Variants in MACC1 observed in about 807,000 individuals in gnomAD.
The protein encoded by MACC1 is MET transcriptional regulator MACC1, also known as metastasis-associated in colon cancer protein 1.
A neutral mutation model predicts 70.7 loss-of-function variants in MACC1; 79 were observed. The observed-to-expected ratio is 1.12, with a 90% confidence interval of 0.93 to 1.35. The LOEUF (loss-of-function observed/expected upper bound fraction) is 1.35. Ranked by LOEUF, MACC1 falls within the 40% of genes most tolerant of loss-of-function variation. MACC1 has a pLI of 0.00. For missense variants in MACC1, 1,106 were observed against 978.1 expected (o/e 1.13, Z -1.74); for synonymous variants, 361 against 347.2 (o/e 1.04, Z -0.44).
chr7:20,138,220 T>C lies in MACC1; in HGVS notation c.*2726A>G, dbSNP rs538219243. On this transcript the variant is annotated 3_prime_UTR_variant, in exon 7 of 7. Transcript: ENST00000400331. ...GGATTTGTTACAAGATTATAAAATA[T>C]ATTTGTGTGTATTAATATTAGAACC... The C allele has an allele frequency of 1.3e-5, 2 of 149,104 alleles. No individual in the cohort carries two copies. Among genetic ancestry groups the C allele is most frequent in the African/African-American group, 4.9e-5 (2 of 40,612 alleles). The allele number at this position is 149,104 out of a possible 1,614,324, so 9.2% of individuals were successfully genotyped here. A position where few individuals can be genotyped will look rare whatever the true frequency, so the allele number is the denominator to read the frequency against.
At chr7:20,207,733 A>C (rs1331358950) in intron 1 of MACC1, among the ~76,000 whole-genome samples, 1 of 152,248 alleles carries the variant, frequency 6.6e-6, no homozygotes, top group Non-Finnish European at 1.5e-5. Flanking sequence ...GAATACACAA[A>C]GATATCAAAA....
intron 2 of MACC1, among the ~76,000 whole-genome samples, chr7:20,165,537 GA>G (rs11415040): frequency 1.5e-4 from 23 of 149,050 alleles, no homozygotes; most frequent in Non-Finnish European, 2.2e-4. Flanking sequence ...TGGTATAGGG[GA>G]AAAAAAAAAA....
intron 4 of MACC1, among the ~76,000 whole-genome samples, chr7:20,161,011 G>C (rs10215569): frequency 0.13 from 20,026 of 152,110 alleles, 1,457 homozygotes; most frequent in Non-Finnish European, 0.16. Context: ...TGGAAAGTAA[G>C]TGTCTTAAGA....
rs1781777315 is a variant in MACC1, at chr7:20,140,261, T to C, written c.*685A>G. On this transcript the variant is annotated 3_prime_UTR_variant, in exon 7 of 7. Transcript: ENST00000400331. ...GCATTTTGTTTTTACTATTCTGTTA[T>C]GCAGTATGATTTTTTAAAAAGAAAT... is the stretch of plus-strand genomic sequence containing the variant. 6.6e-6 allele frequency: 1 copy of C among 152,236 alleles called. No homozygotes were observed. The highest frequency in any genetic ancestry group is 2.1e-4 in the South Asian group (1 of 4,838). The allele number at this position is 152,236 out of a possible 1,614,324, so 9.4% of individuals were successfully genotyped here.
At chr7:20,211,869 T>C (rs1783001859) in intron 1 of MACC1, among the ~76,000 whole-genome samples, 1 of 152,160 alleles carries the variant, frequency 6.6e-6, no homozygotes, top group African/African-American at 2.4e-5. Context: ...TGAAAATAAG[T>C]TGTGCTGTAA....
intron 1 of MACC1, among the ~76,000 whole-genome samples, chr7:20,197,401 ATCACATGGCTTT>A (rs1342623859): frequency 2.0e-5 from 3 of 152,218 alleles, no homozygotes; most frequent in Non-Finnish European, 2.9e-5. Flanking sequence ...TGGGTAAAGA[ATCACATGGCTTT>A]GTGTTTTTTG....
At position 20,158,284 on chromosome 7, in the gene MACC1, CTTTCTCTGA is replaced by C. The variant is rs1393435582; in HGVS notation, c.2068_2076del (p.Ser690_Lys692del). 1.9e-6 allele frequency: 3 copies of C among 1,612,378 alleles called. No homozygotes were observed. The highest frequency in any genetic ancestry group is 2.5e-6 in the Non-Finnish European group (3 of 1,179,708). On this transcript the variant is annotated inframe_deletion, in exon 5 of 7. Coordinates refer to ENST00000400331, the MANE Select transcript of MACC1 (RefSeq NM_182762.4). ...TTTAACTTCTTTATAACATAAGAAA[CTTTCTCTGA>C]TTCTTTGTCTGCTTGAATTTGATCA...
intron 2 of MACC1, among the ~76,000 whole-genome samples, chr7:20,165,447 T>C (rs58322514): frequency 0.05 from 7,588 of 152,032 alleles, 653 homozygotes; most frequent in African/African-American, 0.17. Flanking sequence ...TCTCATAATC[T>C]TTCTCTACAC....
In MACC1 at chr7:20,141,113, G is replaced by A. The variant is rs76818231; in HGVS notation, c.2392C>T (p.His798Tyr). ...ACATCTCTGTAGTTATTTCCATAGT[G>A]AGCACTCCAGGTATACAGAAAATCA... ...AYDFLYTWSA[H>Y]YGNNYRDVLQ... Residue 798 changes from histidine (H) to tyrosine (Y), a missense_variant, in exon 7 of 7, where the codon CAC becomes TAC. Physicochemically the swap from His to Tyr is moderately conservative, Grantham distance 83. Coordinates refer to ENST00000400331, the MANE Select transcript of MACC1 (RefSeq NM_182762.4). 263 of 1,612,142 alleles carry A rather than the reference G, an allele frequency of 1.6e-4. 1 individual carries two copies. Among genetic ancestry groups the A allele is most frequent in the Non-Finnish European group, 2.5e-5 (29 of 1,179,402 alleles).
At chr7:20,203,584 G>A (rs1275451083) in intron 1 of MACC1, among the ~76,000 whole-genome samples, 1 of 152,202 alleles carries the variant, frequency 6.6e-6, no homozygotes, top group African/African-American at 2.4e-5. Flanking sequence ...AATGTGCAAT[G>A]AGGTGAAACA....
chr7:20,176,912 G>T (rs1466210218), intron 1 of MACC1, among the ~76,000 whole-genome samples: 2 of 152,138 alleles, frequency 1.3e-5, no homozygotes, highest in Non-Finnish European at 2.9e-5. Flanking sequence ...GAATAGGGAT[G>T]GTGAAGGGAA....
At chr7:20,163,687 C>T (rs1446253371) in intron 3 of MACC1, among the ~76,000 whole-genome samples, 1 of 152,148 alleles carries the variant, frequency 6.6e-6, no homozygotes, top group Middle Eastern at 3.2e-3. Context: ...CTCTTCATCC[C>T]ATGACAACAT....
chr7:20,152,364 G>A (rs1781992793), intron 6 of MACC1, among the ~76,000 whole-genome samples: 1 of 152,134 alleles, frequency 6.6e-6, no homozygotes, highest in East Asian at 1.9e-4. Flanking sequence ...TCAACTACTT[G>A]AATTGTAAAT....
intron 6 of MACC1, among the ~76,000 whole-genome samples, chr7:20,142,971 T>A (rs1781828600): frequency 6.6e-6 from 1 of 152,224 alleles, no homozygotes; most frequent in Non-Finnish European, 1.5e-5. Context: ...AACAGCAACT[T>A]AAAACATTTC....
chr7:20,144,576 CT>C (rs1203428065), intron 6 of MACC1, among the ~76,000 whole-genome samples: 1 of 152,072 alleles, frequency 6.6e-6, no homozygotes, highest in Non-Finnish European at 1.5e-5. Flanking sequence ...CATGATGTAT[CT>C]GGCATATAGT....
chr7:20,197,923 GGC>G (rs1318531109), intron 1 of MACC1, among the ~76,000 whole-genome samples: 1 of 151,940 alleles, frequency 6.6e-6, no homozygotes, highest in Non-Finnish European at 1.5e-5. Context: ...CTAGAAAATA[GGC>G]TACTTCATTT....
At chr7:20,209,316 A>G (rs1260921605) in intron 1 of MACC1, among the ~76,000 whole-genome samples, 1 of 152,254 alleles carries the variant, frequency 6.6e-6, no homozygotes, top group African/African-American at 2.4e-5. Flanking sequence ...AAAGCAGCTT[A>G]GAAGTGGGCT....
chr7:20,167,500 T>C (rs1340783241), intron 2 of MACC1, among the ~76,000 whole-genome samples: 2 of 151,786 alleles, frequency 1.3e-5, no homozygotes, highest in East Asian at 3.9e-4. Flanking sequence ...CTGGCCTCCA[T>C]TATCCTCATT....
chr7:20,177,050 T>C (rs1286333307), intron 1 of MACC1, among the ~76,000 whole-genome samples: 6 of 152,170 alleles, frequency 3.9e-5, no homozygotes, highest in Non-Finnish European at 7.4e-5. Context: ...GAGCTATACA[T>C]ACACACCTTG....
Sources: gnomAD v4.1 joint callset for allele counts (sites outside exome capture counted in the v4.1 genomes callset) on GRCh38, gnomAD v4.1.1 for gene constraint, MANE v1.5 for transcripts, NCBI Gene and HGNC (gene_info 2026-07-23, HGNC 2026-07-21) for gene names.